Variants in SLC44A2 observed in about 807,000 individuals in gnomAD.
SLC44A2 encodes the protein choline transporter-like protein 2.
Under a neutral mutation model 90.8 loss-of-function variants are expected in SLC44A2, and 57 were observed. That is an observed-to-expected ratio of 0.63 (90% CI 0.51 to 0.78). SLC44A2 has a LOEUF of 0.78. Among genes scored for constraint, SLC44A2 ranks in the 30% least tolerant of loss-of-function variants. SLC44A2 has a pLI of 0.00. For synonymous variants in SLC44A2, 355 were observed against 360.7 expected, an observed-to-expected ratio of 0.98 and a Z score of 0.18; for missense variants, 794 against 919.7, an observed-to-expected ratio of 0.86 and a Z score of 1.77.
upstream of SLC44A2, chr19:10,625,549 G>C: frequency 3.2e-6 from 4 of 1,231,110 alleles, no homozygotes; most frequent in Non-Finnish European, 3.0e-6. Flanking sequence ...CCAGTCGCGC[G>C]GTCAGTGCCT....
At position 10,636,676 on chromosome 19, in the gene SLC44A2, CCCTGGCCTTTGGCGCGCTCAT is replaced by C. The variant is rs1332201739; in HGVS notation, c.1519_1539del (p.Phe507_Ala513del). 4 of 1,613,294 alleles carry C rather than the reference CCCTGGCCTTTGGCGCGCTCAT, an allele frequency of 2.5e-6. No individual in the cohort carries two copies. Among genetic ancestry groups the C allele is most frequent in the Non-Finnish European group, 3.4e-6 (4 of 1,179,866 alleles). On this transcript the variant is annotated inframe_deletion, in exon 16 of 22. Transcript: ENST00000335757. ...TCGGCCCGCAGGTACCACACAGGCT[CCCTGGCCTTTGGCGCGCTCAT>C]CCTGGCCATTGTGCAGATCATCCGT...
At position 10,638,081 on chromosome 19, in the gene SLC44A2, G is replaced by T; in HGVS notation, c.1828G>T (p.Val610Phe). The T allele has an allele frequency of 6.2e-7, 1 of 1,613,840 alleles. No individual in the cohort carries two copies. The highest frequency in any genetic ancestry group is 8.5e-7 in the Non-Finnish European group (1 of 1,179,956). ...FLFLLGKLLI[V>F]GSVGILAFFF... The stretch of plus-strand genomic sequence containing the variant: ...CTTCCTGTTGGGCAAACTTCTGATC[G>T]TTGGTAGTGTGGGTGAGTGCCGCCC... Residue 610 changes from valine to phenylalanine, a missense_variant, in exon 19 of 22, where the codon GTT (valine) becomes TTT (phenylalanine). Val to Phe is a conservative substitution (Grantham distance 50). This residue lies in a region of SLC44A2 where 738 missense variants were observed against 841.1 expected (regional missense o/e 0.88). Coordinates refer to ENST00000335757, the MANE Select transcript of SLC44A2 (RefSeq NM_020428.4).
At chr19:10,631,431 T>G (rs1028950105) in intron 6 of SLC44A2, 44 bp from the exon 7 acceptor site, 1 of 1,614,002 alleles carries the variant, frequency 6.2e-7, no homozygotes, top group Non-Finnish European at 8.5e-7. Context: ...GCAGTGGCAG[T>G]GTACTAGACT....
chr19:10,621,085 A>G (rs2066891746), upstream of SLC44A2, among the ~76,000 whole-genome samples: 1 of 152,176 alleles, frequency 6.6e-6, no homozygotes, highest in Non-Finnish European at 1.5e-5. Context: ...ATAGTGGCTC[A>G]TGCCTATAAT....
Position 10,643,290 on chromosome 19 carries a change from G to T in SLC44A2, c.2026G>T (p.Glu676Ter). Residue 676 changes from glutamate to a stop codon, truncating the protein, a stop_gained, in exon 22 of 22, where the codon GAG (glutamate) becomes TAG (stop). Transcript: ENST00000335757. LOFTEE classifies it high-confidence loss of function. The stretch of plus-strand genomic sequence containing the variant: ...ACCTCTCTCCACAGTGGAGGACCTG[G>T]AGAGGAATGACGGCTCGGCCGAGAG... ...TLFLCFLEDL[E>*]RNDGSAERPY... The T allele has an allele frequency of 6.2e-7, 1 of 1,611,596 alleles. No individual in the cohort carries two copies. Among genetic ancestry groups the T allele is most frequent in the South Asian group, 1.1e-5 (1 of 90,536 alleles).
At chr19:10,603,413 G>T (rs1461822412) in intron 1 of SLC44A2, among the ~76,000 whole-genome samples, 1 of 152,176 alleles carries the variant, frequency 6.6e-6, no homozygotes, top group Non-Finnish European at 1.5e-5. Context: ...ACTACCCTGG[G>T]GGCAAAGAAG....
intron 4 of SLC44A2, among the ~76,000 whole-genome samples, chr19:10,629,586 T>G (rs1202224749): frequency 6.7e-6 from 1 of 149,792 alleles, no homozygotes; most frequent in Non-Finnish European, 1.5e-5. Flanking sequence ...CCTATTATTA[T>G]TATTACTATT....
Position 10,637,736 on chromosome 19 carries a change from G to A in SLC44A2, c.1684G>A (p.Ala562Thr). ...EKFIKFLNRN[A>T]YIMIAIYGTN... The stretch of plus-strand genomic sequence containing the variant: ...GTTCATCAAATTCCTTAATAGGAAT[G>A]CCTACATCATGGTGAGTGGGCCTGG... Residue 562 changes from alanine (A) to threonine (T), a missense_variant, in exon 17 of 22, where the codon GCC (alanine) becomes ACC (threonine). Around this residue, in one of 3 missense-constraint regions of SLC44A2, gnomAD observed 738 missense variants for 841.1 expected, o/e 0.88. Coordinates refer to ENST00000335757, the MANE Select transcript of SLC44A2 (RefSeq NM_020428.4). 6.2e-7 allele frequency: 1 copy of A among 1,613,876 alleles called. No individual in the cohort carries two copies. Among genetic ancestry groups the A allele is most frequent in the African/African-American group, 1.3e-5 (1 of 75,026 alleles).
intron 4 of SLC44A2, among the ~76,000 whole-genome samples, chr19:10,629,792 C>G (rs1295632805): frequency 6.6e-6 from 1 of 150,428 alleles, no homozygotes; most frequent in East Asian, 2.0e-4. Context: ...CTCGCTCTGT[C>G]GCCCAGGCTG....
At chr19:10,614,698 C>A (rs945716548) in intron 1 of SLC44A2, among the ~76,000 whole-genome samples, 4 of 152,006 alleles carry the variant, frequency 2.6e-5, no homozygotes, top group African/African-American at 9.7e-5. Context: ...TGGCTGGGCG[C>A]GGTGGCTCAC....
chr19:10,643,235 G>T (rs374073323), intron 21 of SLC44A2, 44 bp from the exon 22 acceptor site: 1 of 1,580,110 alleles, frequency 6.3e-7, no homozygotes, highest in Non-Finnish European at 8.6e-7. Flanking sequence ...GCCCCTGCCC[G>T]TGGGCTCCCC....
intron 1 of SLC44A2, among the ~76,000 whole-genome samples, chr19:10,612,604 G>T (rs1001223952): frequency 1.3e-5 from 2 of 152,216 alleles, no homozygotes; most frequent in South Asian, 2.1e-4. Flanking sequence ...CTGGCTGTAC[G>T]GGTGAGGCCT....
At chr19:10,616,552 C>T (rs1184158546) in intron 1 of SLC44A2, among the ~76,000 whole-genome samples, 1 of 151,996 alleles carries the variant, frequency 6.6e-6, no homozygotes, top group African/African-American at 2.4e-5. Context: ...CATGTCCTGT[C>T]TCTATTTTCA....
intron 1 of SLC44A2, among the ~76,000 whole-genome samples, chr19:10,617,686 G>A (rs1351443220): frequency 6.6e-6 from 1 of 152,114 alleles, no homozygotes; most frequent in Non-Finnish European, 1.5e-5. Flanking sequence ...GGAACGGACC[G>A]CTCAAGTGAC....
intron 1 of SLC44A2, among the ~76,000 whole-genome samples, chr19:10,617,225 T>C (rs945566739): frequency 6.6e-6 from 1 of 151,266 alleles, no homozygotes; most frequent in Non-Finnish European, 1.5e-5. Context: ...CAGCCCTTGT[T>C]CTTCTTCTTA....
chr19:10,637,442 C>T, intron 16 of SLC44A2: 1 of 583,664 alleles, frequency 1.7e-6, no homozygotes, highest in South Asian at 2.0e-5. Context: ...CAGGATCTCT[C>T]ACCCTGTCAC....
chr19:10,635,277 T>C (rs1338189664), intron 13 of SLC44A2, 22 bp downstream of exon 13: 1 of 1,613,662 alleles, frequency 6.2e-7, no homozygotes, highest in Admixed American at 1.7e-5. Context: ...CAGACACTGA[T>C]CTCTGACCCC....
At chr19:10,634,011 C>T (rs1282194903) in intron 10 of SLC44A2, among the ~76,000 whole-genome samples, 1 of 145,022 alleles carries the variant, frequency 6.9e-6, no homozygotes, top group Non-Finnish European at 1.5e-5. Flanking sequence ...CTCACTGTCG[C>T]CCAGGCTGGA....
intron 1 of SLC44A2, among the ~76,000 whole-genome samples, chr19:10,614,236 G>A (rs953024401): frequency 2.6e-5 from 4 of 151,970 alleles, no homozygotes; most frequent in South Asian, 2.1e-4. Flanking sequence ...CAAAGTGCAG[G>A]GATTACAGGC....
Sources: allele counts gnomAD v4.1 joint callset (sites outside exome capture counted in the v4.1 genomes callset), GRCh38; gene constraint gnomAD v4.1.1; regional missense constraint gnomAD v4.1.1; transcripts MANE v1.5; gene names NCBI Gene and HGNC (gene_info 2026-07-23, HGNC 2026-07-21).